The following AFF3 variants were observed in gnomAD, a reference collection of about 807,000 sequenced individuals.
The protein encoded by AFF3 is AF4/FMR2 family member 3.
In AFF3, 32 loss-of-function variants were observed where a neutral mutation model predicts 129.7. The ratio of observed to expected loss-of-function variants is 0.25; its 90% CI spans 0.19 to 0.33. AFF3 has a LOEUF of 0.33. Among genes scored for constraint, AFF3 ranks in the 10% least tolerant of loss-of-function variants. The pLI, the probability that AFF3 is intolerant of heterozygous loss-of-function variation, is 1.00. For missense variants in AFF3, 1,373 were observed against 1,592.0 expected, an observed-to-expected ratio of 0.86 and a Z score of 2.34; for synonymous variants, 644 against 635.4, an observed-to-expected ratio of 1.01 and a Z score of -0.20.
intron 7 of AFF3, among the ~76,000 whole-genome samples, chr2:99,893,406 T>C (rs1048073584): frequency 9.2e-5 from 14 of 152,310 alleles, no homozygotes; most frequent in East Asian, 3.9e-4. Context: ...AATTCACAAG[T>C]TGAAGCCCTA....
intron 13 of AFF3, among the ~76,000 whole-genome samples, chr2:99,648,884 C>T (rs113648393): frequency 7.0e-5 from 2 of 28,438 alleles, no homozygotes; most frequent in African/African-American, 1.2e-4. Flanking sequence ...AAAACACGCG[C>T]GCACACACAC....
At chr2:99,640,585 G>A (rs1001006286) in intron 13 of AFF3, among the ~76,000 whole-genome samples, 3 of 151,068 alleles carry the variant, frequency 2.0e-5, no homozygotes, top group African/African-American at 7.3e-5. Context: ...TGTAAAAAGA[G>A]GAGAGAGTAG....
chr2:100,074,734 G>A (rs1165235120), intron 4 of AFF3, among the ~76,000 whole-genome samples: 3 of 152,160 alleles, frequency 2.0e-5, no homozygotes, highest in Admixed American at 6.5e-5. Context: ...TCCAAGGTGA[G>A]GATGTGCAGG....
chr2:99,633,795 T>C (rs897622926), intron 13 of AFF3, among the ~76,000 whole-genome samples: 6 of 152,000 alleles, frequency 3.9e-5, no homozygotes, highest in African/African-American at 1.4e-4. Flanking sequence ...TGACCTTCTC[T>C]ACCATGTTTG....
intron 11 of AFF3, among the ~76,000 whole-genome samples, chr2:99,675,408 G>A (rs1239519164): frequency 6.6e-6 from 1 of 152,108 alleles, no homozygotes; most frequent in Non-Finnish European, 1.5e-5. Flanking sequence ...CGGCCATACC[G>A]CATCCCAGCC....
chr2:100,106,967 C>T (rs1359511058), intron 2 of AFF3: 1 of 985,420 alleles, frequency 1.0e-6, no homozygotes, highest in Non-Finnish European at 1.2e-6. Flanking sequence ...GGCAGATTTA[C>T]GTTTGAATTT....
chr2:99,731,052 AT>A (rs1679784872), intron 10 of AFF3, among the ~76,000 whole-genome samples: 2 of 151,366 alleles, frequency 1.3e-5, no homozygotes, highest in African/African-American at 2.4e-5. Flanking sequence ...CTCCCGGGTA[AT>A]CTCAAGTGAT....
chr2:100,017,209 T>G (rs893011124), intron 4 of AFF3, among the ~76,000 whole-genome samples: 2 of 152,110 alleles, frequency 1.3e-5, no homozygotes, highest in African/African-American at 4.8e-5. Context: ...ATCCTGGATT[T>G]TCCTTATGAG....
chr2:100,112,943 A>G (rs1179442007), intron 2 of AFF3, among the ~76,000 whole-genome samples: 1 of 152,214 alleles, frequency 6.6e-6, no homozygotes, highest in Non-Finnish European at 1.5e-5. Context: ...TTACAATTTT[A>G]TGAATTTAGC....
intron 10 of AFF3, among the ~76,000 whole-genome samples, chr2:99,732,115 G>A (rs1490107986): frequency 1.3e-5 from 2 of 152,170 alleles, no homozygotes; most frequent in Admixed American, 6.5e-5. Flanking sequence ...AGCACTTTGG[G>A]AGGCTGAGGC....
At chr2:99,704,469 C>T (rs1677171682) in intron 11 of AFF3, among the ~76,000 whole-genome samples, 1 of 152,142 alleles carries the variant, frequency 6.6e-6, no homozygotes, top group African/African-American at 2.4e-5. Flanking sequence ...CTGATAATGG[C>T]CAACACCAGG....
At chr2:99,665,878 G>C (rs1266014067) in intron 12 of AFF3, among the ~76,000 whole-genome samples, 1 of 152,218 alleles carries the variant, frequency 6.6e-6, no homozygotes, top group Non-Finnish European at 1.5e-5. Context: ...GTGATGAACA[G>C]TGTTCAATGC....
intron 13 of AFF3, among the ~76,000 whole-genome samples, chr2:99,638,376 C>A (rs1010400353): frequency 5.3e-5 from 8 of 152,054 alleles, no homozygotes; most frequent in Non-Finnish European, 1.2e-4. Flanking sequence ...CTTTTCACTG[C>A]CTCTAGGGAC....
chr2:99,950,043 C>T (rs1186499370), intron 7 of AFF3, among the ~76,000 whole-genome samples: 4 of 152,158 alleles, frequency 2.6e-5, no homozygotes, highest in Admixed American at 6.5e-5. Context: ...TCTATTTTCC[C>T]TAGCCACAAC....
intron 8 of AFF3, among the ~76,000 whole-genome samples, chr2:99,836,155 T>A (rs1461100927): frequency 6.6e-6 from 1 of 152,174 alleles, no homozygotes. Context: ...GAAGGTAGAC[T>A]TTTTCTACTT....
At chr2:99,572,917 G>A (rs893583943) in intron 18 of AFF3, among the ~76,000 whole-genome samples, 57 of 152,054 alleles carry the variant, frequency 3.7e-4, no homozygotes, top group Admixed American at 3.3e-3. Flanking sequence ...CTTTGATGTC[G>A]GCTGGGGCTC....
intron 11 of AFF3, among the ~76,000 whole-genome samples, chr2:99,679,703 T>A (rs1309417314): frequency 6.6e-6 from 1 of 152,214 alleles, no homozygotes; most frequent in Non-Finnish European, 1.5e-5. Context: ...AAATGGCAGC[T>A]TGGAGGCTAG....
intron 7 of AFF3, among the ~76,000 whole-genome samples, chr2:99,991,404 C>T (rs1423605277): frequency 6.6e-6 from 1 of 152,056 alleles, no homozygotes; most frequent in Admixed American, 6.5e-5. Context: ...CCATCTCTGC[C>T]GTGTTCCTCT....
At chr2:100,002,294 T>C (rs1681495935) in intron 7 of AFF3, among the ~76,000 whole-genome samples, 1 of 152,344 alleles carries the variant, frequency 6.6e-6, no homozygotes, top group Middle Eastern at 3.4e-3. Flanking sequence ...CATACAAAGG[T>C]AACCAAGAGT....
Sources: gnomAD v4.1 joint callset for allele counts (sites outside exome capture counted in the v4.1 genomes callset) on GRCh38, gnomAD v4.1.1 for gene constraint, MANE v1.5 for transcripts, NCBI Gene and HGNC (gene_info 2026-07-23, HGNC 2026-07-21) for gene names.